CAST: variants seen among roughly 807,000 people sequenced by gnomAD.
The protein encoded by CAST is MIR583 host.
Under a neutral mutation model 119.6 loss-of-function variants are expected in CAST, and 76 were observed. The ratio of observed to expected loss-of-function variants is 0.64; its 90% CI spans 0.53 to 0.77. The LOEUF (loss-of-function observed/expected upper bound fraction) is 0.77, where lower values mean the gene tolerates loss of function less well. Ranked by LOEUF, CAST falls within the 30% of genes least tolerant of loss-of-function variation. CAST has a pLI of 0.00. For missense variants in CAST, 953 were observed against 946.5 expected (o/e 1.01, Z -0.09); for synonymous variants, 319 against 331.6 (o/e 0.96, Z 0.41).
At chr5:96,721,409 T>C (rs1758232834) in intron 3 of CAST, among the ~76,000 whole-genome samples, 2 of 152,168 alleles carry the variant, frequency 1.3e-5, no homozygotes, top group Admixed American at 1.3e-4. Context: ...CCATAGACTA[T>C]AGTGGGTTTC....
chr5:96,511,427 C>T, the CAST span, among the ~76,000 whole-genome samples: 1 of 135,040 alleles, frequency 7.4e-6, no homozygotes, highest in South Asian at 2.3e-4. Flanking sequence ...CAGGCGTGAG[C>T]CACTGCACCC....
chr5:96,261,079 T>C, the CAST span, among the ~76,000 whole-genome samples: 1 of 151,976 alleles, frequency 6.6e-6, no homozygotes, highest in Non-Finnish European at 1.5e-5. Flanking sequence ...TTCCTAGGAG[T>C]AGACACCAAT....
the CAST span, among the ~76,000 whole-genome samples, chr5:96,350,837 C>T: frequency 6.6e-6 from 1 of 152,132 alleles, no homozygotes; most frequent in African/African-American, 2.4e-5. Flanking sequence ...GAATAGAACA[C>T]AACTGCGTAA....
chr5:96,514,678 G>A, the CAST span, among the ~76,000 whole-genome samples: 6 of 152,110 alleles, frequency 3.9e-5, no homozygotes, highest in Non-Finnish European at 2.9e-5. Context: ...ACTTATGCCT[G>A]TGTCTGAGAT....
At chr5:96,025,244 G>A in the CAST span, among the ~76,000 whole-genome samples, 1 of 152,152 alleles carries the variant, frequency 6.6e-6, no homozygotes, top group Admixed American at 6.5e-5. Flanking sequence ...TAGGTGCCAG[G>A]GGATCCTATT....
rs552843946 is a variant in CAST at position 96,719,026 on chromosome 5, CAGGAGGACGTGA to C, written c.211-3609_211-3598del. On this transcript the variant is annotated intron_variant, in intron 3 of 31. Coordinates refer to ENST00000675179, the MANE Select transcript of CAST (RefSeq NM_001750.7). The stretch of plus-strand genomic sequence containing the variant: ...CAGTGGGAGGTGCCTGGCAAGAGGC[CAGGAGGACGTGA>C]AGGGATTCTAATGTGTGGTAGACAA... Among the ~76,000 whole-genome samples, 6 of 152,126 alleles carry C rather than the reference CAGGAGGACGTGA, an allele frequency of 3.9e-5. No homozygotes were observed. In the East Asian group the frequency reaches 1.2e-3, roughly 29 times the overall value.
intron 1 of CAST, among the ~76,000 whole-genome samples, chr5:96,618,836 C>G (rs747212247): frequency 6.6e-6 from 1 of 152,248 alleles, no homozygotes. Flanking sequence ...CCCCGACAGG[C>G]GCTGCCCCCT....
the CAST span, among the ~76,000 whole-genome samples, chr5:96,505,472 C>A: frequency 6.6e-6 from 1 of 151,854 alleles, no homozygotes. Flanking sequence ...GAGTGGGACT[C>A]CGTCTCAAAA....
the CAST span, among the ~76,000 whole-genome samples, chr5:96,012,294 A>C: frequency 6.6e-6 from 1 of 152,180 alleles, no homozygotes; most frequent in Admixed American, 6.5e-5. Context: ...GCATTTAACA[A>C]ATTCTTTTGA....
chr5:96,118,056 G>T, the CAST span, among the ~76,000 whole-genome samples: 1 of 152,214 alleles, frequency 6.6e-6, no homozygotes, highest in Non-Finnish European at 1.5e-5. Context: ...GGATACGTTT[G>T]CTGTAGTTGG....
the CAST span, among the ~76,000 whole-genome samples, chr5:96,304,294 T>C: frequency 6.9e-6 from 1 of 144,890 alleles, no homozygotes; most frequent in Non-Finnish European, 1.5e-5. Context: ...TTTGATGGGG[T>C]TGTTTGTTTA....
chr5:96,054,848 G>T, the CAST span, among the ~76,000 whole-genome samples: 5 of 152,124 alleles, frequency 3.3e-5, no homozygotes, highest in African/African-American at 1.2e-4. Context: ...GGAGGTAGAA[G>T]GCCTGGTGTG....
At chr5:96,525,820 G>A (rs1377884265), upstream of CAST, among the ~76,000 whole-genome samples, 2 of 152,188 alleles carry the variant, frequency 1.3e-5, no homozygotes, top group Non-Finnish European at 2.9e-5. Context: ...TTTGAAAATT[G>A]GCGTGCTGAG....
chr5:96,747,490 T>G (rs1053638814), intron 18 of CAST, 98 bp downstream of exon 18: 3 of 803,338 alleles, frequency 3.7e-6, no homozygotes, highest in Non-Finnish European at 6.4e-6. Context: ...TGTGCAGACT[T>G]GCATGCTAAC....
At chr5:96,580,612 G>A (rs1746754313) in intron 1 of CAST, among the ~76,000 whole-genome samples, 1 of 152,170 alleles carries the variant, frequency 6.6e-6, no homozygotes, top group South Asian at 2.1e-4. Flanking sequence ...AGTCTAATAA[G>A]CTTCGGGCGA....
At chr5:96,458,856 C>T in the CAST span, among the ~76,000 whole-genome samples, 4 of 152,010 alleles carry the variant, frequency 2.6e-5, no homozygotes, top group Non-Finnish European at 4.4e-5. Flanking sequence ...CAGCTCACAC[C>T]CTCAGATCTC....
At chr5:96,206,588 A>C in the CAST span, among the ~76,000 whole-genome samples, 1 of 152,052 alleles carries the variant, frequency 6.6e-6, no homozygotes, top group African/African-American at 2.4e-5. Flanking sequence ...AATTTCTGTC[A>C]GTTGTGTCAA....
chr5:95,965,214 TG>T, the CAST span: 1 of 152,122 alleles, frequency 6.6e-6, no homozygotes, highest in Non-Finnish European at 1.5e-5. Context: ...GAACATAAGG[TG>T]GCCCAATGTT....
At chr5:96,067,316 T>C in the CAST span, among the ~76,000 whole-genome samples, 2 of 152,324 alleles carry the variant, frequency 1.3e-5, no homozygotes, top group East Asian at 3.9e-4. Flanking sequence ...AAATCCTTTG[T>C]CAAATATAGT....
Sources: gnomAD v4.1 joint callset for allele counts (sites outside exome capture counted in the v4.1 genomes callset) on GRCh38, gnomAD v4.1.1 for gene constraint, MANE v1.5 for transcripts, NCBI Gene and HGNC (gene_info 2026-07-23, HGNC 2026-07-21) for gene names.